The following TAX1BP1 variants were observed in gnomAD, a reference collection of about 807,000 sequenced individuals.
TAX1BP1 encodes tax1-binding protein 1.
In TAX1BP1, 62 loss-of-function variants were observed where a neutral mutation model predicts 97.7. That is an observed-to-expected ratio of 0.63 (90% CI 0.52 to 0.78). The LOEUF is 0.78. Ranked by LOEUF, TAX1BP1 falls within the 30% of genes least tolerant of loss-of-function variation. TAX1BP1 has a pLI of 0.00. For synonymous variants in TAX1BP1, 340 were observed against 304.2 expected (o/e 1.12, Z -1.23); for missense variants, 867 against 916.1 (o/e 0.95, Z 0.69).
intron 15 of TAX1BP1, among the ~76,000 whole-genome samples, chr7:27,820,575 A>AT (rs1160124829): frequency 7.2e-5 from 11 of 152,130 alleles, no homozygotes; most frequent in Admixed American, 7.2e-4. Context: ...CAGTCAATTC[A>AT]TTTTTATCAA....
chr7:27,773,513 G>A (rs1788921741), intron 5 of TAX1BP1, among the ~76,000 whole-genome samples: 1 of 151,972 alleles, frequency 6.6e-6, no homozygotes, highest in South Asian at 2.1e-4. Context: ...CTATGGATTT[G>A]TGTATTTTGG....
intron 5 of TAX1BP1, among the ~76,000 whole-genome samples, chr7:27,771,530 T>G (rs1180201523): frequency 6.6e-6 from 1 of 151,932 alleles, no homozygotes; most frequent in Non-Finnish European, 1.5e-5. Flanking sequence ...ATTTGAGTAG[T>G]AGCTAAGATT....
At chr7:27,770,593 T>C (rs1297504923) in intron 5 of TAX1BP1, among the ~76,000 whole-genome samples, 3 of 152,098 alleles carry the variant, frequency 2.0e-5, no homozygotes, top group Non-Finnish European at 4.4e-5. Flanking sequence ...GTGGGGTCTG[T>C]TCTGTTATCC....
At chr7:27,810,081 A>G (rs6462052) in intron 13 of TAX1BP1, among the ~76,000 whole-genome samples, 117,700 of 151,774 alleles carry the variant, frequency 0.78, 46,687 homozygotes, top group African/African-American at 0.94. Flanking sequence ...CTAATTTTTT[A>G]TATTTTTAGT....
At chr7:27,782,731 T>A (rs1789308899) in intron 5 of TAX1BP1, among the ~76,000 whole-genome samples, 1 of 152,178 alleles carries the variant, frequency 6.6e-6, no homozygotes, top group South Asian at 2.1e-4. Context: ...CATAAATAAT[T>A]GTTTTGTCAA....
At chr7:27,784,958 A>G (rs201539807) in intron 5 of TAX1BP1, among the ~76,000 whole-genome samples, 1 of 152,202 alleles carries the variant, frequency 6.6e-6, no homozygotes, top group Middle Eastern at 3.2e-3. Flanking sequence ...ACCCCAAACA[A>G]AAAACAAATT....
intron 13 of TAX1BP1, among the ~76,000 whole-genome samples, chr7:27,809,848 T>G (rs185635054): frequency 1.4e-4 from 21 of 152,280 alleles, no homozygotes; most frequent in Admixed American, 1.3e-3. Flanking sequence ...ATTTAAACTC[T>G]ACTTCTTTAA....
In TAX1BP1 at chr7:27,811,585, AT is replaced by A. The variant is rs35055673; in HGVS notation, c.1765-4752del. On this transcript the variant is annotated intron_variant, in intron 13 of 16. Transcript: ENST00000396319. ...CCTTTGTTAATAAGGCCTCTGGTTG[AT>A]TTTTTTTTTTTAACAGCTCTGTTAA... 1.8e-3 allele frequency among the ~76,000 whole-genome samples: 264 copies of A among 147,144 alleles called. 1 individual carries two copies. The highest frequency in any genetic ancestry group is 2.8e-3 in the East Asian group (14 of 5,046).
intron 1 of TAX1BP1, among the ~76,000 whole-genome samples, chr7:27,742,301 C>G (rs986801483): frequency 1.3e-5 from 2 of 152,138 alleles, no homozygotes; most frequent in Non-Finnish European, 2.9e-5. Flanking sequence ...CCTGGCTTTC[C>G]TAGGCAGAGG....
intron 10 of TAX1BP1, 97 bp from the exon 11 acceptor site, chr7:27,794,226 A>G: frequency 9.1e-7 from 1 of 1,103,238 alleles, no homozygotes; most frequent in South Asian, 2.2e-5. Flanking sequence ...AGGATTTCCT[A>G]AAGTAATATG....
At chr7:27,779,744 G>T (rs536601965) in intron 5 of TAX1BP1, among the ~76,000 whole-genome samples, 1 of 152,160 alleles carries the variant, frequency 6.6e-6, no homozygotes, top group Non-Finnish European at 1.5e-5. Flanking sequence ...GAAGTCTGGG[G>T]AGGGGATCGC....
intron 5 of TAX1BP1, among the ~76,000 whole-genome samples, chr7:27,781,490 C>G (rs963636284): frequency 6.6e-6 from 1 of 151,982 alleles, no homozygotes; most frequent in African/African-American, 2.4e-5. Flanking sequence ...CTAAACATAT[C>G]TAGATATCTT....
chr7:27,755,029 T>A (rs1788158817), intron 2 of TAX1BP1, among the ~76,000 whole-genome samples: 1 of 152,258 alleles, frequency 6.6e-6, no homozygotes, highest in Non-Finnish European at 1.5e-5. Flanking sequence ...GATATTTCTC[T>A]TTTGAATCAA....
At chr7:27,748,967 TA>T (rs952802176) in intron 2 of TAX1BP1, among the ~76,000 whole-genome samples, 2 of 152,102 alleles carry the variant, frequency 1.3e-5, no homozygotes, top group African/African-American at 4.8e-5. Context: ...TTACCTGCAA[TA>T]AAAAAAGATC....
At chr7:27,779,973 TTAAC>T (rs1789190763) in intron 5 of TAX1BP1, among the ~76,000 whole-genome samples, 1 of 152,180 alleles carries the variant, frequency 6.6e-6, no homozygotes, top group Non-Finnish European at 1.5e-5. Flanking sequence ...TCATTTATAT[TTAAC>T]TGATGATAAT....
At chr7:27,745,482 T>C (rs918992621) in intron 1 of TAX1BP1, among the ~76,000 whole-genome samples, 1 of 152,220 alleles carries the variant, frequency 6.6e-6, no homozygotes, top group Non-Finnish European at 1.5e-5. Flanking sequence ...GTAAACTTTT[T>C]AAATGATTAG....
intron 1 of TAX1BP1, among the ~76,000 whole-genome samples, chr7:27,745,558 T>A (rs928596637): frequency 6.6e-6 from 1 of 152,320 alleles, no homozygotes; most frequent in Middle Eastern, 3.5e-3. Flanking sequence ...TGTAAAATAT[T>A]TCTATAATTA....
intron 15 of TAX1BP1, among the ~76,000 whole-genome samples, chr7:27,821,879 A>G (rs896219756): frequency 2.0e-5 from 3 of 152,174 alleles, no homozygotes; most frequent in African/African-American, 7.2e-5. Context: ...CACTTTGTTT[A>G]TAGATTCGTC....
At chr7:27,824,289 G>A (rs1249552786) in intron 15 of TAX1BP1, among the ~76,000 whole-genome samples, 2 of 152,036 alleles carry the variant, frequency 1.3e-5, no homozygotes, top group Non-Finnish European at 2.9e-5. Context: ...AGGCCAGGCA[G>A]GTGACTCATG....
Sources: allele counts gnomAD v4.1 joint callset (sites outside exome capture counted in the v4.1 genomes callset), GRCh38; gene constraint gnomAD v4.1.1; transcripts MANE v1.5; gene names NCBI Gene and HGNC (gene_info 2026-07-23, HGNC 2026-07-21).